The following SLC22A23 variants were observed in gnomAD, a reference collection of about 807,000 sequenced individuals.
The protein encoded by SLC22A23 is ion transporter protein.
A neutral mutation model predicts 61.0 loss-of-function variants in SLC22A23; 26 were observed. The observed-to-expected ratio is 0.43, with a 90% CI of 0.31 to 0.59. The LOEUF is 0.59. Ranked by LOEUF, SLC22A23 falls within the 20% of genes least tolerant of loss-of-function variation. The pLI is 0.11. For synonymous variants in SLC22A23, 430 were observed against 413.9 expected, an observed-to-expected ratio of 1.04 and a Z score of -0.47; for missense variants, 796 against 934.7, an observed-to-expected ratio of 0.85 and a Z score of 1.94.
chr6:3,395,930 T>A (rs1186194586), intron 3 of SLC22A23, among the ~76,000 whole-genome samples: 1 of 152,368 alleles, frequency 6.6e-6, no homozygotes, highest in Non-Finnish European at 1.5e-5. Context: ...ATATTTTGGT[T>A]TTATAGTTAT....
At chr6:3,389,742 C>T (rs1213872509) in intron 3 of SLC22A23, among the ~76,000 whole-genome samples, 1 of 152,222 alleles carries the variant, frequency 6.6e-6, no homozygotes, top group Non-Finnish European at 1.5e-5. Flanking sequence ...ATGAAGTTAT[C>T]CTTCCTGACT....
intron 3 of SLC22A23, among the ~76,000 whole-genome samples, chr6:3,349,591 C>T (rs1210447592): frequency 1.3e-5 from 2 of 152,246 alleles, no homozygotes; most frequent in African/African-American, 4.8e-5. Context: ...TCACAGCTGG[C>T]ATGAGCTGTT....
chr6:3,439,865 A>G (rs1402578862), intron 1 of SLC22A23, among the ~76,000 whole-genome samples: 1 of 152,168 alleles, frequency 6.6e-6, no homozygotes, highest in Non-Finnish European at 1.5e-5. Flanking sequence ...CTGGGCTGAA[A>G]GAAGAGCATG....
chr6:3,298,353 G>A, intron 4 of SLC22A23, 135 bp from the exon 5 acceptor site: 1 of 967,296 alleles, frequency 1.0e-6, no homozygotes, highest in Non-Finnish European at 1.5e-6. Flanking sequence ...CCAATCAGGG[G>A]AGATAAAACT....
intron 2 of SLC22A23, 63 bp downstream of exon 2, chr6:3,415,689 T>C (rs1769646884): frequency 1.7e-5 from 20 of 1,192,762 alleles, no homozygotes; most frequent in Non-Finnish European, 2.4e-5. Flanking sequence ...ACTATTTTTC[T>C]TTAGCCAGCA....
Position 3,286,810 on chromosome 6 carries a change from T to A in SLC22A23, c.1546+49A>T. 1 of 1,471,256 alleles carries A rather than the reference T, an allele frequency of 6.8e-7. No homozygotes were observed. Among genetic ancestry groups the A allele is most frequent in the Non-Finnish European group, 9.3e-7 (1 of 1,075,084 alleles). The allele number at this position is 1,471,256 out of a possible 1,614,324, so 91.1% of individuals were successfully genotyped here. A position where few individuals can be genotyped will look rare whatever the true frequency, so the allele number is the denominator to read the frequency against. ...CAGCCCTTTCAAATGCCCTTGGGGA[T>A]CTGCCAGCTTCCCTCCCTGCACCCA... On this transcript the variant is annotated intron_variant, in intron 7 of 9. Coordinates refer to ENST00000406686, the MANE Select transcript of SLC22A23 (RefSeq NM_015482.2). This position sits in a 1 kb window ranked among gnomAD's most constrained non-coding sequence, Gnocchi z 4.2.
Position 3,286,172 on chromosome 6 carries a change from T to C in SLC22A23, c.1546+687A>G, listed in dbSNP as rs1283638013. Among the ~76,000 whole-genome samples, 2 of 151,736 alleles carry C rather than the reference T, an allele frequency of 1.3e-5. No homozygotes were observed. The highest frequency in any genetic ancestry group is 2.9e-5 in the Non-Finnish European group (2 of 67,930). On this transcript the variant is annotated intron_variant, in intron 7 of 9. Coordinates refer to ENST00000406686, the MANE Select transcript of SLC22A23 (RefSeq NM_015482.2). The surrounding 1 kb of genome is among the most constrained non-coding windows in gnomAD (Gnocchi z 4.2). The stretch of plus-strand genomic sequence containing the variant: ...GGAGTGCAGTGCTGCGATCTCAGCT[T>C]ACTGCAACCTCTGCCTCCCAAGTTC...
intron 1 of SLC22A23, among the ~76,000 whole-genome samples, chr6:3,447,431 A>T (rs1771948393): frequency 6.6e-6 from 1 of 152,198 alleles, no homozygotes. Context: ...TTACTTGATC[A>T]GTTTGGGTGT....
In SLC22A23 at chr6:3,323,929, C is replaced by T. The variant is rs543357915; in HGVS notation, c.987G>A (p.Gln329=). Residue 329 remains glutamine (Q), a synonymous_variant, in exon 4 of 10, where the codon CAG becomes CAA. Transcript: ENST00000406686. ...MVASFVAMAG[Q]FLMPGLAALC... ...GGGCGGCTAGCCCAGGCATGAGGAA[C>T]TGGCCCGCCATGGCCACGAAGCTCG... 11 of 1,614,226 alleles carry T rather than the reference C, an allele frequency of 6.8e-6. No individual in the cohort carries two copies. Among genetic ancestry groups the T allele is most frequent in the African/African-American group, 6.7e-5 (5 of 75,078 alleles).
chr6:3,288,418 G>A (rs1760256878), intron 6 of SLC22A23, among the ~76,000 whole-genome samples: 1 of 152,198 alleles, frequency 6.6e-6, no homozygotes, highest in Non-Finnish European at 1.5e-5. Context: ...TTTCCTCTTG[G>A]GAAATAGGCA....
chr6:3,456,951 G>C lies in SLC22A23; in HGVS notation c.-392C>G, dbSNP rs965128477. 58 of 150,230 alleles carry C rather than the reference G, an allele frequency of 3.9e-4. No homozygotes were observed. Among genetic ancestry groups the C allele is most frequent in the African/African-American group, 1.4e-3 (58 of 41,290 alleles). 9.3% of individuals were successfully genotyped at this position (150,230 alleles called of 1,614,324 possible). On this transcript the variant is annotated 5_prime_UTR_variant, in exon 1 of 10. Transcript: ENST00000406686. The surrounding 1 kb of genome is among the most constrained non-coding windows in gnomAD (Gnocchi z 7.1). ...CCTTGCCGGCGGTTCAGGGCCCTGC[G>C]GGCGGCGGTGCGGGCAAAGGCTGCT...
At chr6:3,343,541 A>G (rs1025915755) in intron 3 of SLC22A23, among the ~76,000 whole-genome samples, 7 of 152,188 alleles carry the variant, frequency 4.6e-5, no homozygotes, top group African/African-American at 1.2e-4. Flanking sequence ...TTTTTCAATA[A>G]GACTAGCACA....
chr6:3,315,886 A>AAAAGG (rs1436499580), intron 4 of SLC22A23, among the ~76,000 whole-genome samples: 3 of 152,002 alleles, frequency 2.0e-5, no homozygotes, highest in Non-Finnish European at 4.4e-5. Context: ...AAAAGAAAAG[A>AAAAGG]AAAGAAAAGT....
At position 3,450,037 on chromosome 6, in the gene SLC22A23, C is replaced by T. The variant is rs1772092500; in HGVS notation, c.654+5869G>A. On this transcript the variant is annotated intron_variant, in intron 1 of 9. Transcript: ENST00000406686. ...GTGAAAAAACAGTGTTTCGGATACG[C>T]TAGTGTTTCTGAGACAAAATATGTA... Among the ~76,000 whole-genome samples the T allele has an allele frequency of 5.3e-5, 8 of 152,162 alleles. No homozygotes were observed. The South Asian group carries it at 1.7e-3, about 31-fold the overall frequency.
Position 3,273,202 on chromosome 6 carries a change from G to T in SLC22A23, c.1914C>A (p.Arg638=). The change falls in exon 10 of 10, where the codon CGC becomes CGA. Residue 638 remains arginine, a synonymous_variant. Coordinates refer to ENST00000406686, the MANE Select transcript of SLC22A23 (RefSeq NM_015482.2). ...CCTTCTTGTGCGGCAGCAGCGGCTG[G>T]CGCGTGTAGTGCTCCCCGTTAGAAA... ...ENISNGEHYT[R]QPLLPHKKGE... 6.2e-7 allele frequency: 1 copy of T among 1,613,278 alleles called. No individual in the cohort carries two copies. Among genetic ancestry groups the T allele is most frequent in the East Asian group, 2.2e-5 (1 of 44,872 alleles).
At chr6:3,413,965 G>A (rs1769469612) in intron 2 of SLC22A23, among the ~76,000 whole-genome samples, 1 of 152,222 alleles carries the variant, frequency 6.6e-6, no homozygotes, top group Non-Finnish European at 1.5e-5. Context: ...CAACTGCAGA[G>A]AAATGGTTTG....
chr6:3,369,319 A>G (rs1044631621), intron 3 of SLC22A23, among the ~76,000 whole-genome samples: 1 of 152,154 alleles, frequency 6.6e-6, no homozygotes, highest in African/African-American at 2.4e-5. Context: ...ACCTCCTTAT[A>G]ATTTTTCTCC....
rs753267461 is a variant in SLC22A23, at chr6:3,273,402, G to A, written c.1714C>T (p.Leu572=). ...ITPTVIRCGG[L]GLVLASAGFG... ...CCCGCGCTGGCCAGCACCAGCCCCA[G>A]CCCGCCACACCTGCAGGGGGAGGGA... The change falls in exon 10 of 10, where the codon CTG becomes TTG. Residue 572 remains leucine (L), a synonymous_variant. Transcript: ENST00000406686. 2 of 1,611,630 alleles carry A rather than the reference G, an allele frequency of 1.2e-6. No individual in the cohort carries two copies. Among genetic ancestry groups the A allele is most frequent in the East Asian group, 2.2e-5 (1 of 44,846 alleles).
chr6:3,418,870 G>A (rs1419974530), intron 1 of SLC22A23, among the ~76,000 whole-genome samples: 2 of 152,206 alleles, frequency 1.3e-5, no homozygotes, highest in African/African-American at 2.4e-5. Flanking sequence ...TAGCGCTGGG[G>A]GAACCCATGG....
Sources: gnomAD v4.1 joint callset for allele counts (sites outside exome capture counted in the v4.1 genomes callset) on GRCh38, gnomAD v4.1.1 for gene constraint, Gnocchi (gnomAD v3.1) non-coding constraint, MANE v1.5 for transcripts, NCBI Gene and HGNC (gene_info 2026-07-23, HGNC 2026-07-21) for gene names.